The following DNAJC24 variants were observed in gnomAD, a reference collection of about 807,000 sequenced individuals.
The protein encoded by DNAJC24 is DnaJ heat shock protein family (Hsp40) member C24.
DNAJC24 carries 17 observed loss-of-function variants against 18.0 expected under a neutral mutation model. The observed-to-expected ratio is 0.94, with a 90% confidence interval of 0.65 to 1.42. DNAJC24 has a LOEUF of 1.42. Among genes scored for constraint, DNAJC24 ranks in the 40% most tolerant of loss-of-function variants. The pLI, the probability that DNAJC24 is intolerant of heterozygous loss-of-function variation, is 0.00. For missense variants in DNAJC24, 158 were observed against 175.6 expected (o/e 0.90, Z 0.57); for synonymous variants, 55 against 57.7 (o/e 0.95, Z 0.21).
intron 2 of DNAJC24, 23 bp from the exon 3 acceptor site, chr11:31,414,788 G>C (rs1048727886): frequency 6.2e-7 from 1 of 1,608,722 alleles, no homozygotes; most frequent in African/African-American, 1.3e-5. Flanking sequence ...CTCACCCCCT[G>C]CACCCTTCTT....
intron 2 of DNAJC24, chr11:31,384,836 T>C (rs1259610430): frequency 6.6e-6 from 1 of 152,180 alleles, no homozygotes; most frequent in African/African-American, 2.4e-5. Flanking sequence ...CTTCAAATAG[T>C]GTTCCAGAAG....
At chr11:31,399,292 G>T (rs1286756326) in intron 2 of DNAJC24, among the ~76,000 whole-genome samples, 1 of 152,102 alleles carries the variant, frequency 6.6e-6, no homozygotes, top group Admixed American at 6.6e-5. Flanking sequence ...GTATATTATA[G>T]AGGTTTTAAA....
rs1196949855 is a variant in DNAJC24, at chr11:31,371,814, CTTTTTTTTTTTT to C, written c.111+970_111+981del. On this transcript the variant is annotated intron_variant, in intron 2 of 4. Coordinates refer to ENST00000465995, the MANE Select transcript of DNAJC24 (RefSeq NM_181706.5). ...CATTTATACACTAATTATCAGTTGA[CTTTTTTTTTTTT>C]TTTTTTTTTTTTTTGAGATGGAGTT... 9.5e-5 allele frequency among the ~76,000 whole-genome samples: 7 copies of C among 73,846 alleles called. No individual in the cohort carries two copies. In the South Asian group the frequency reaches 1.5e-3, roughly 16 times the overall value. The allele number at this position is 73,846 out of a possible 152,430, so 48.4% of individuals were successfully genotyped here. A position where few individuals can be genotyped will look rare whatever the true frequency, so the allele number is the denominator to read the frequency against.
chr11:31,382,158 C>A (rs986589442), intron 2 of DNAJC24, among the ~76,000 whole-genome samples: 6 of 151,914 alleles, frequency 3.9e-5, no homozygotes, highest in African/African-American at 1.5e-4. Context: ...ATATTATGTA[C>A]AGTATATAAA....
intron 2 of DNAJC24, among the ~76,000 whole-genome samples, chr11:31,410,838 G>A (rs1952701545): frequency 6.6e-6 from 1 of 152,170 alleles, no homozygotes; most frequent in Non-Finnish European, 1.5e-5. Context: ...TCTGTTTCTA[G>A]GCTATCTTTA....
At chr11:31,397,080 T>C (rs111511664) in intron 2 of DNAJC24, among the ~76,000 whole-genome samples, 325 of 152,308 alleles carry the variant, frequency 2.1e-3, no homozygotes, top group Admixed American at 4.1e-3. Flanking sequence ...GTGAAAACTT[T>C]CTCATGCTGT....
rs551232019 is a variant in DNAJC24 at position 31,431,330 on chromosome 11, T to G, written c.*929T>G. 5.3e-5 allele frequency: 8 copies of G among 151,542 alleles called. No homozygotes were observed. The highest frequency in any genetic ancestry group is 8.8e-5 in the Non-Finnish European group (6 of 67,934). The allele number at this position is 151,542 out of a possible 1,614,324, so 9.4% of individuals were successfully genotyped here. A position where few individuals can be genotyped will look rare whatever the true frequency, so the allele number is the denominator to read the frequency against. On this transcript the variant is annotated 3_prime_UTR_variant, in exon 5 of 5. Coordinates refer to ENST00000465995, the MANE Select transcript of DNAJC24 (RefSeq NM_181706.5). ...CCACCGTGCCTGGCCTAAGTTTTGT[T>G]AATAGAGATGGGATTTCATCATGTT...
chr11:31,420,426 A>G (rs551097999), intron 3 of DNAJC24, among the ~76,000 whole-genome samples: 1 of 152,186 alleles, frequency 6.6e-6, no homozygotes, highest in East Asian at 1.9e-4. Flanking sequence ...ACAATAGCAG[A>G]GTACTTCAGA....
chr11:31,401,176 A>T (rs1390896284), intron 2 of DNAJC24, among the ~76,000 whole-genome samples: 1 of 152,240 alleles, frequency 6.6e-6, no homozygotes, highest in Non-Finnish European at 1.5e-5. Context: ...ACCAGGAGAT[A>T]CCATCTCACG....
At chr11:31,380,804 T>A (rs1952369342) in intron 2 of DNAJC24, among the ~76,000 whole-genome samples, 1 of 152,176 alleles carries the variant, frequency 6.6e-6, no homozygotes, top group Non-Finnish European at 1.5e-5. Context: ...TTTATGCTTC[T>A]CATTCTTCCC....
chr11:31,406,064 T>C (rs1952655165), intron 2 of DNAJC24, among the ~76,000 whole-genome samples: 3 of 152,216 alleles, frequency 2.0e-5, no homozygotes, highest in Admixed American at 1.3e-4. Flanking sequence ...GAGTTTTGGA[T>C]TGGGCACACG....
chr11:31,396,899 G>A (rs1952546726), intron 2 of DNAJC24, among the ~76,000 whole-genome samples: 1 of 151,864 alleles, frequency 6.6e-6, no homozygotes, highest in South Asian at 2.1e-4. Context: ...TCTGCTTTTC[G>A]TAACTCTAAT....
chr11:31,408,163 T>C (rs1191816716), intron 2 of DNAJC24: 1 of 456,288 alleles, frequency 2.2e-6, no homozygotes, highest in South Asian at 1.5e-5. Flanking sequence ...AGGACGCATC[T>C]GTCACAGGAA....
chr11:31,406,023 G>T (rs36041740), intron 2 of DNAJC24, among the ~76,000 whole-genome samples: 1 of 151,932 alleles, frequency 6.6e-6, no homozygotes, highest in African/African-American at 2.4e-5. Context: ...CTACCTCCTA[G>T]TACTGTCACA....
rs1211886424 is a variant in DNAJC24 at position 31,430,397 on chromosome 11, A to T, written c.446A>T (p.Asn149Ile). The change falls in exon 5 of 5, where the codon AAC becomes ATC. Residue 149 changes from asparagine (N) to isoleucine (I), a missense_variant. Transcript: ENST00000465995. ...CTAATTATAGAACTCCTTCATTATAACTAAAATTGTTCACAACTTGAAATG... is the reference window on the plus strand; with the variant it reads ...CTAATTATAGAACTCCTTCATTATATCTAAAATTGTTCACAACTTGAAATG... ...CSLIIELLHY[N>I] is the part of the protein sequence containing the mutation. 5.0e-6 allele frequency: 8 copies of T among 1,601,574 alleles called. No homozygotes were observed. The highest frequency in any genetic ancestry group is 6.8e-6 in the Non-Finnish European group (8 of 1,172,390).
At position 31,430,311 on chromosome 11, in the gene DNAJC24, A is replaced by G; in HGVS notation, c.360A>G (p.Lys120=). 1 of 1,611,222 alleles carries G rather than the reference A, an allele frequency of 6.2e-7. No homozygotes were observed. The highest frequency in any genetic ancestry group is 1.3e-5 in the African/African-American group (1 of 74,978). The part of the protein sequence containing the change: ...SFYLSCRCGG[K]YSVSKDEAEE... Reference sequence around the variant, plus strand: ...ATCTGAGTTGCAGATGTGGTGGAAAATACAGTGTTTCCAAGGATGAAGCGG... The same window carrying G: ...ATCTGAGTTGCAGATGTGGTGGAAAGTACAGTGTTTCCAAGGATGAAGCGG... Residue 120 remains lysine (K), a synonymous_variant, in exon 5 of 5, where the codon AAA becomes AAG. Coordinates refer to ENST00000465995, the MANE Select transcript of DNAJC24 (RefSeq NM_181706.5).
intron 2 of DNAJC24, among the ~76,000 whole-genome samples, chr11:31,389,009 T>C (rs1454300881): frequency 1.3e-5 from 2 of 151,754 alleles, no homozygotes; most frequent in African/African-American, 4.8e-5. Context: ...AAACATACAA[T>C]GGCTACACAA....
At chr11:31,419,717 G>T (rs1026916774) in intron 3 of DNAJC24, among the ~76,000 whole-genome samples, 1 of 151,766 alleles carries the variant, frequency 6.6e-6, no homozygotes. Flanking sequence ...GAAATCAGTG[G>T]GTCCAAAATC....
At chr11:31,376,193 C>T (rs959600780) in intron 2 of DNAJC24, among the ~76,000 whole-genome samples, 26 of 152,164 alleles carry the variant, frequency 1.7e-4, no homozygotes, top group East Asian at 3.9e-4. Context: ...ACATGCTTTT[C>T]GCCTTCTGCC....
Sources: allele counts gnomAD v4.1 joint callset (sites outside exome capture counted in the v4.1 genomes callset), GRCh38; gene constraint gnomAD v4.1.1; transcripts MANE v1.5; gene names NCBI Gene and HGNC (gene_info 2026-07-23, HGNC 2026-07-21).